KCTD16: variants seen among roughly 807,000 people sequenced by gnomAD.
KCTD16 encodes BTB/POZ domain-containing protein KCTD16.
A neutral mutation model predicts 33.2 loss-of-function variants in KCTD16; 13 were observed. The observed-to-expected ratio is 0.39, with a 90% CI of 0.25 to 0.62. The LOEUF is 0.62. Among genes scored for constraint, KCTD16 ranks in the 20% least tolerant of loss-of-function variants. KCTD16 has a pLI of 0.50. For synonymous variants in KCTD16, 197 were observed against 195.3 expected, an observed-to-expected ratio of 1.01 and a Z score of -0.07; for missense variants, 441 against 525.1, an observed-to-expected ratio of 0.84 and a Z score of 1.57.
At chr5:144,279,283 C>T (rs1466255863) in intron 3 of KCTD16, among the ~76,000 whole-genome samples, 1 of 152,024 alleles carries the variant, frequency 6.6e-6, no homozygotes. Flanking sequence ...AATCTGTGTG[C>T]ATTTTTTTTT....
chr5:144,201,107 G>T (rs1753036623), intron 2 of KCTD16, among the ~76,000 whole-genome samples: 1 of 152,170 alleles, frequency 6.6e-6, no homozygotes. Context: ...GCATTTGCAT[G>T]TGAGTGTTTG....
At chr5:144,467,072 AAT>A (rs1355052795) in intron 3 of KCTD16, among the ~76,000 whole-genome samples, 16 of 132,262 alleles carry the variant, frequency 1.2e-4, no homozygotes, top group South Asian at 4.4e-4. Flanking sequence ...TATTATATAT[AAT>A]ATATATAGTG....
chr5:144,449,855 A>T (rs949908799), intron 3 of KCTD16, among the ~76,000 whole-genome samples: 6 of 151,952 alleles, frequency 3.9e-5, no homozygotes, highest in African/African-American at 1.4e-4. Context: ...TTCTAAGGAG[A>T]TATAGGGGAA....
intron 2 of KCTD16, among the ~76,000 whole-genome samples, chr5:144,186,325 G>A (rs12520189): frequency 0.17 from 22,830 of 136,794 alleles, 1,928 homozygotes; most frequent in Admixed American, 0.28. Context: ...TATATTCTAC[G>A]AAGTTTGTGC....
chr5:144,460,950 C>T lies in KCTD16; in HGVS notation c.833-12710C>T, dbSNP rs145819567. 4.1e-4 allele frequency among the ~76,000 whole-genome samples: 62 copies of T among 152,278 alleles called. 2 individuals are homozygous for T. The East Asian group carries it at 0.01, about 25-fold the overall frequency. ...TGATTTCTCTTCTTCTGTTAAGCCA[C>T]AGCTCTTCTCAAATCTTTGTCAGAA... On this transcript the variant is annotated intron_variant, in intron 3 of 3. Coordinates refer to ENST00000512467, the MANE Select transcript of KCTD16 (RefSeq NM_020768.4).
At chr5:144,339,993 G>C (rs898394196) in intron 3 of KCTD16, among the ~76,000 whole-genome samples, 1 of 152,064 alleles carries the variant, frequency 6.6e-6, no homozygotes, top group Non-Finnish European at 1.5e-5. Context: ...GACAAGAAGG[G>C]CAACCTCAAA....
At chr5:144,210,268 G>A (rs1373518059) in intron 3 of KCTD16, among the ~76,000 whole-genome samples, 2 of 152,056 alleles carry the variant, frequency 1.3e-5, no homozygotes, top group Non-Finnish European at 2.9e-5. Context: ...GTAGAACTAT[G>A]AACAATGAAA....
chr5:144,232,356 T>C (rs556458492), intron 3 of KCTD16, among the ~76,000 whole-genome samples: 5 of 152,372 alleles, frequency 3.3e-5, no homozygotes, highest in African/African-American at 7.2e-5. Flanking sequence ...TAATAGTTAA[T>C]ATTTTTTGAG....
intron 3 of KCTD16, among the ~76,000 whole-genome samples, chr5:144,378,039 A>G (rs1481108084): frequency 6.6e-6 from 1 of 152,224 alleles, no homozygotes; most frequent in East Asian, 1.9e-4. Context: ...GACGTTAATT[A>G]TAAGAAAACA....
intron 3 of KCTD16, among the ~76,000 whole-genome samples, chr5:144,249,457 G>A (rs1203960468): frequency 2.6e-5 from 4 of 151,856 alleles, no homozygotes; most frequent in Admixed American, 6.6e-5. Context: ...TATCTGACTT[G>A]TTTGCCACTG....
At position 144,206,992 on chromosome 5, in the gene KCTD16, A is replaced by G; in HGVS notation, c.278A>G (p.Gln93Arg). 6.2e-7 allele frequency: 1 copy of G among 1,614,214 alleles called. No homozygotes were observed. The highest frequency in any genetic ancestry group is 1.1e-5 in the South Asian group (1 of 91,080). The change falls in exon 3 of 4, where the codon CAG becomes CGG. Residue 93 changes from glutamine (Q) to arginine (R), a missense_variant. This residue lies in a region of KCTD16 where 355 missense variants were observed against 413.0 expected (regional missense o/e 0.86). Transcript: ENST00000512467. Reference protein sequence around the residue: ...RYILDYLRDRQVVLPDHFPEK... With the variant: ...RYILDYLRDRRVVLPDHFPEK... ...ATTCTGGACTATCTCAGGGACAGGC[A>G]GGTGGTCCTGCCTGATCACTTTCCA... is the stretch of plus-strand genomic sequence containing the variant.
intron 3 of KCTD16, among the ~76,000 whole-genome samples, chr5:144,392,705 C>T (rs1752477929): frequency 6.6e-6 from 1 of 152,200 alleles, no homozygotes; most frequent in South Asian, 2.1e-4. Context: ...CCTTTCAAAA[C>T]TGACTTTGGT....
intron 3 of KCTD16, among the ~76,000 whole-genome samples, chr5:144,349,171 A>C (rs1483021840): frequency 6.6e-6 from 1 of 152,150 alleles, no homozygotes; most frequent in Non-Finnish European, 1.5e-5. Context: ...TCTTTCATAA[A>C]CATTGAAACT....
rs76095773 is a variant in KCTD16 at position 144,415,281 on chromosome 5, G to A, written c.833-58379G>A. ...ATGAACCAAGCACCTCCCATTAGGC[G>A]CCATCTCCCAACATATAACACTGAA... On this transcript the variant is annotated intron_variant, in intron 3 of 3. Transcript: ENST00000512467. Among the ~76,000 whole-genome samples the A allele has an allele frequency of 1.8e-4, 27 of 152,184 alleles. 1 individual carries two copies. The East Asian group carries it at 2.9e-3, about 16-fold the overall frequency.
chr5:144,292,917 A>G (rs1192558942), intron 3 of KCTD16, among the ~76,000 whole-genome samples: 1 of 152,178 alleles, frequency 6.6e-6, no homozygotes, highest in African/African-American at 2.4e-5. Flanking sequence ...GAAGGGCCAA[A>G]GTTCAGCAGT....
intron 2 of KCTD16, among the ~76,000 whole-genome samples, chr5:144,202,145 C>A (rs180755020): frequency 6.6e-6 from 1 of 152,348 alleles, no homozygotes; most frequent in African/African-American, 2.4e-5. Flanking sequence ...CCTTGCTCTT[C>A]CTCTAAGAGA....
rs1325705840 is a variant in KCTD16, at chr5:144,483,984, T to C, written c.*9870T>C. On this transcript the variant is annotated 3_prime_UTR_variant, in exon 4 of 4. Transcript: ENST00000512467. Reference sequence around the variant, plus strand: ...GGACATTTGAAGGAGCGATTGTTTTTTCCCCAAAATTTTGGAGCAGAGGGG... The same window carrying C: ...GGACATTTGAAGGAGCGATTGTTTTCTCCCCAAAATTTTGGAGCAGAGGGG... The C allele has an allele frequency of 6.6e-6, 1 of 151,984 alleles. No individual in the cohort carries two copies. Among genetic ancestry groups the C allele is most frequent in the African/African-American group, 2.4e-5 (1 of 41,426 alleles). 9.4% of individuals were successfully genotyped at this position (151,984 alleles called of 1,614,324 possible).
intron 3 of KCTD16, among the ~76,000 whole-genome samples, chr5:144,337,410 A>G (rs1180331177): frequency 2.0e-5 from 3 of 152,158 alleles, no homozygotes; most frequent in Non-Finnish European, 4.4e-5. Flanking sequence ...ATTTTAATGC[A>G]TGTTGTTTGT....
chr5:144,318,370 T>C (rs981060874), intron 3 of KCTD16, among the ~76,000 whole-genome samples: 15 of 152,178 alleles, frequency 9.9e-5, no homozygotes, highest in African/African-American at 3.6e-4. Flanking sequence ...GACTATCATA[T>C]AATGCAATAA....
Sources: gnomAD v4.1 joint callset for allele counts (sites outside exome capture counted in the v4.1 genomes callset) on GRCh38, gnomAD v4.1.1 for gene constraint, gnomAD v4.1.1 regional missense constraint, MANE v1.5 for transcripts, NCBI Gene and HGNC (gene_info 2026-07-23, HGNC 2026-07-21) for gene names.